Variants in CTNND2 observed in about 807,000 individuals in gnomAD.
CTNND2 encodes catenin delta-2.
Under a neutral mutation model 144.4 loss-of-function variants are expected in CTNND2, and 22 were observed. The ratio of observed to expected loss-of-function variants is 0.15; its 90% confidence interval spans 0.11 to 0.22. The LOEUF (loss-of-function observed/expected upper bound fraction) is 0.22, where lower values mean the gene tolerates loss of function less well. CTNND2 is among the 10% of genes least tolerant of loss of function. The probability of loss-of-function intolerance (pLI) is 1.00; values close to 1 mark genes in which losing one functional copy is unlikely to be tolerated. For missense variants in CTNND2, 1,353 were observed against 1,618.8 expected, an observed-to-expected ratio of 0.84 and a Z score of 2.82; for synonymous variants, 751 against 695.6, an observed-to-expected ratio of 1.08 and a Z score of -1.25.
intron 5 of CTNND2, among the ~76,000 whole-genome samples, chr5:11,408,076 T>A (rs1761232907): frequency 6.6e-6 from 1 of 152,100 alleles, no homozygotes; most frequent in South Asian, 2.1e-4. Context: ...CTGGGGATAG[T>A]TCCTTGATTT....
intron 9 of CTNND2, among the ~76,000 whole-genome samples, chr5:11,283,524 A>C (rs1314480738): frequency 6.6e-6 from 1 of 151,814 alleles, no homozygotes; most frequent in Admixed American, 6.6e-5. Flanking sequence ...AAATACAAAA[A>C]TTAGCGGGGT....
At chr5:11,659,059 T>C (rs1444500075) in intron 2 of CTNND2, among the ~76,000 whole-genome samples, 1 of 152,154 alleles carries the variant, frequency 6.6e-6, no homozygotes, top group East Asian at 1.9e-4. Context: ...CTTGCAAATG[T>C]GGTTCACCCT....
In CTNND2 at chr5:11,732,213, G is replaced by A. The variant is rs893818324; in HGVS notation, c.97C>T (p.Pro33Ser). 2.5e-6 allele frequency: 4 copies of A among 1,613,946 alleles called. No individual in the cohort carries two copies. The highest frequency in any genetic ancestry group is 2.2e-5 in the East Asian group (1 of 44,862). The change falls in exon 2 of 22, where the codon CCC (proline) becomes TCC (serine). Residue 33 changes from proline (P) to serine (S), a missense_variant. Pro to Ser is a moderately conservative substitution (Grantham distance 74, BLOSUM62 -1). Transcript: ENST00000304623. ...SASEKTSSLS[P>S]GLNTSNGDGS... Reference sequence around the variant, plus strand: ...TCCCCGTTGGAGGTGTTTAAGCCGGGGCTCAGGGAACTCGTCTTCTCTGAG... The same window carrying A: ...TCCCCGTTGGAGGTGTTTAAGCCGGAGCTCAGGGAACTCGTCTTCTCTGAG...
chr5:10,979,276 T>C (rs956008516), intron 21 of CTNND2, among the ~76,000 whole-genome samples: 2 of 152,386 alleles, frequency 1.3e-5, no homozygotes, highest in East Asian at 3.9e-4. Context: ...TGTTTCTGTT[T>C]GCCTTTATGG....
At chr5:11,166,023 C>T (rs538005819) in intron 11 of CTNND2, among the ~76,000 whole-genome samples, 1 of 152,254 alleles carries the variant, frequency 6.6e-6, no homozygotes, top group Non-Finnish European at 1.5e-5. Flanking sequence ...CATGAATCCT[C>T]TCATGTGGGT....
intron 20 of CTNND2, among the ~76,000 whole-genome samples, chr5:10,987,100 T>C (rs1738070266): frequency 1.3e-5 from 2 of 152,202 alleles, no homozygotes. Flanking sequence ...CCCATCTCCA[T>C]GCCCATGTGG....
At chr5:11,596,694 TTAAA>T (rs1382437846) in intron 2 of CTNND2, among the ~76,000 whole-genome samples, 2 of 152,140 alleles carry the variant, frequency 1.3e-5, no homozygotes, top group African/African-American at 4.8e-5. Flanking sequence ...ATTTTGTCCT[TTAAA>T]TAGTTAACTT....
intron 9 of CTNND2, among the ~76,000 whole-genome samples, chr5:11,272,828 C>T (rs1230152877): frequency 5.9e-5 from 9 of 152,078 alleles, no homozygotes; most frequent in African/African-American, 1.7e-4. Flanking sequence ...ATTTTATCCA[C>T]GAGTATATAA....
At chr5:11,053,042 G>A (rs538175069) in intron 16 of CTNND2, among the ~76,000 whole-genome samples, 1 of 152,084 alleles carries the variant, frequency 6.6e-6, no homozygotes, top group South Asian at 2.1e-4. Flanking sequence ...CTTAATGTAG[G>A]CAATTTACTG....
chr5:11,686,506 T>C (rs1784650313), intron 2 of CTNND2, among the ~76,000 whole-genome samples: 1 of 151,932 alleles, frequency 6.6e-6, no homozygotes, highest in South Asian at 2.1e-4. Context: ...GAATAAATTA[T>C]ATTTGTTTTT....
chr5:11,691,893 T>C (rs1784924910), intron 2 of CTNND2, among the ~76,000 whole-genome samples: 1 of 152,184 alleles, frequency 6.6e-6, no homozygotes, highest in South Asian at 2.1e-4. Flanking sequence ...TGTATCAAAA[T>C]AAAGAAAAAC....
At position 11,285,690 on chromosome 5, in the gene CTNND2, G is replaced by A. The variant is rs183430398; in HGVS notation, c.1629-48867C>T. Among the ~76,000 whole-genome samples the A allele has an allele frequency of 3.2e-3, 480 of 152,250 alleles. 1 individual carries two copies. Among genetic ancestry groups the A allele is most frequent in the African/African-American group, 7.4e-3 (309 of 41,554 alleles). Reference sequence around the variant, plus strand: ...GCAGGTTTGGGTACAGGGAGCCTGAGATACCGCTCCTTCCTTTTGCTCCAA... The same window carrying A: ...GCAGGTTTGGGTACAGGGAGCCTGAAATACCGCTCCTTCCTTTTGCTCCAA... On this transcript the variant is annotated intron_variant, in intron 9 of 21. Transcript: ENST00000304623.
At chr5:11,381,884 G>A (rs990855590) in intron 7 of CTNND2, among the ~76,000 whole-genome samples, 5 of 152,098 alleles carry the variant, frequency 3.3e-5, no homozygotes, top group Non-Finnish European at 2.9e-5. Context: ...GGAGAATGGC[G>A]TAAACCTGGG....
In CTNND2 at chr5:11,741,095, TAAG is replaced by T. The variant is rs1377747105; in HGVS notation, c.38-8826_38-8824del. Among the ~76,000 whole-genome samples, 8 of 152,182 alleles carry T rather than the reference TAAG, an allele frequency of 5.3e-5. No homozygotes were observed. The East Asian group carries it at 1.5e-3, about 29-fold the overall frequency. On this transcript the variant is annotated intron_variant, in intron 1 of 21. Coordinates refer to ENST00000304623, the MANE Select transcript of CTNND2 (RefSeq NM_001332.4). ...AGATGCTGGAGAGGATGTGGAGAAA[TAAG>T]AATGCTTTTACACTGTTGGTGGGAG...
intron 11 of CTNND2, among the ~76,000 whole-genome samples, chr5:11,178,013 G>A (rs759962324): frequency 2.6e-5 from 4 of 152,144 alleles, no homozygotes; most frequent in South Asian, 2.1e-4. Flanking sequence ...TGGTGTTGGC[G>A]AAGGCAAAGA....
At chr5:11,057,645 G>T (rs181480185) in intron 16 of CTNND2, among the ~76,000 whole-genome samples, 16 of 152,338 alleles carry the variant, frequency 1.1e-4, no homozygotes, top group Non-Finnish European at 2.1e-4. Context: ...TACCAGTAGA[G>T]TGGGGTGCTA....
chr5:11,429,107 G>A (rs1344449681), intron 3 of CTNND2, among the ~76,000 whole-genome samples: 3 of 152,076 alleles, frequency 2.0e-5, no homozygotes, highest in Non-Finnish European at 2.9e-5. Flanking sequence ...AGGGGATGGG[G>A]GTGGCGTTCA....
At chr5:11,207,980 A>G (rs1251575552) in intron 10 of CTNND2, among the ~76,000 whole-genome samples, 1 of 152,180 alleles carries the variant, frequency 6.6e-6, no homozygotes, top group Non-Finnish European at 1.5e-5. Flanking sequence ...TAATTAGAAA[A>G]TTCAGTAAAA....
chr5:11,231,969 G>C (rs370212721), intron 10 of CTNND2, among the ~76,000 whole-genome samples: 55 of 152,356 alleles, frequency 3.6e-4, no homozygotes, highest in African/African-American at 1.3e-3. Context: ...GGCTAATAGG[G>C]GCCAAGGTAC....
Sources: allele counts gnomAD v4.1 joint callset (sites outside exome capture counted in the v4.1 genomes callset), GRCh38; gene constraint gnomAD v4.1.1; transcripts MANE v1.5; gene names NCBI Gene and HGNC (gene_info 2026-07-23, HGNC 2026-07-21).